RIPOR3: variants seen among roughly 807,000 people sequenced by gnomAD.
RIPOR3 encodes the protein family with sequence similarity 65 member C.
In RIPOR3, 95 loss-of-function variants were observed where a neutral mutation model predicts 114.3. The ratio of observed to expected loss-of-function variants is 0.83; its 90% confidence interval spans 0.70 to 0.99. The LOEUF is 0.99. Among genes scored for constraint, RIPOR3 ranks in the 50% least tolerant of loss-of-function variants. RIPOR3 has a pLI of 0.00. For synonymous variants in RIPOR3, 575 were observed against 543.8 expected, an observed-to-expected ratio of 1.06 and a Z score of -0.80; for missense variants, 1,252 against 1,266.9, an observed-to-expected ratio of 0.99 and a Z score of 0.18.
intron 1 of RIPOR3, 33 bp downstream of exon 1, chr20:50,691,093 G>A: frequency 7.8e-7 from 1 of 1,289,436 alleles, no homozygotes; most frequent in Non-Finnish European, 1.0e-6. Flanking sequence ...GCGGCGTCAC[G>A]GCACACATGG....
At chr20:50,610,645 C>T (rs1108893) in intron 6 of RIPOR3, among the ~76,000 whole-genome samples, 23 of 152,138 alleles carry the variant, frequency 1.5e-4, no homozygotes, top group Admixed American at 5.2e-4. Context: ...CAGGGCTGAG[C>T]CCCCTGACTC....
intron 1 of RIPOR3, among the ~76,000 whole-genome samples, chr20:50,661,030 G>C (rs1275749130): frequency 1.3e-5 from 2 of 151,994 alleles, no homozygotes; most frequent in African/African-American, 4.8e-5. Context: ...CTGAGGTCAG[G>C]AGTACAAGAC....
chr20:50,670,729 G>C (rs933942016), intron 1 of RIPOR3, among the ~76,000 whole-genome samples: 1 of 152,112 alleles, frequency 6.6e-6, no homozygotes. Context: ...CCAACCCTGC[G>C]TGGCAGCAGA....
rs148766922 is a variant in RIPOR3 at position 50,649,811 on chromosome 20, C to T, written c.4-18955G>A. On this transcript the variant is annotated intron_variant, in intron 1 of 21. Coordinates refer to ENST00000327979, the MANE Select transcript of RIPOR3 (RefSeq NM_001290268.2). ...CAGATACTTTGCCCCCTTCCAAGGA[C>T]GGTAATGAGGTTTGAGGCTTCCAAT... Among the ~76,000 whole-genome samples the T allele has an allele frequency of 2.7e-3, 408 of 152,272 alleles. 3 individuals carry two copies. Among genetic ancestry groups the T allele is most frequent in the African/African-American group, 9.0e-3 (374 of 41,544 alleles).
At chr20:50,587,709 G>T in intron 21 of RIPOR3, 93 bp downstream of exon 21, 1 of 1,269,448 alleles carries the variant, frequency 7.9e-7, no homozygotes, top group Non-Finnish European at 1.1e-6. Context: ...CCCCAGAGTT[G>T]TTCTGCCTGC....
intron 1 of RIPOR3, chr20:50,636,524 G>A (rs2084991666): frequency 2.0e-6 from 2 of 980,090 alleles, no homozygotes; most frequent in Admixed American, 6.2e-5. Context: ...ACAGTGCAGA[G>A]ACCCTGCTGG....
At chr20:50,663,617 A>C (rs2086081146) in intron 1 of RIPOR3, among the ~76,000 whole-genome samples, 1 of 152,200 alleles carries the variant, frequency 6.6e-6, no homozygotes, top group African/African-American at 2.4e-5. Context: ...AGAGGTCAGG[A>C]CAGCCTTTCG....
chr20:50,633,281 A>C (rs1385596294), intron 1 of RIPOR3, among the ~76,000 whole-genome samples: 1 of 151,854 alleles, frequency 6.6e-6, no homozygotes, highest in Non-Finnish European at 1.5e-5. Context: ...AAAAACAAAA[A>C]ACAAAAAATA....
In RIPOR3 at chr20:50,608,733, G is replaced by C; in HGVS notation, c.690C>G (p.Leu230=). The change falls in exon 10 of 22, where the codon CTC becomes CTG. Residue 230 remains leucine, a synonymous_variant. Coordinates refer to ENST00000327979, the MANE Select transcript of RIPOR3 (RefSeq NM_001290268.2). ...TCCAACGCTGGCGGCCCAGACGCAT[G>C]AGCACCTGTGAACCAGCCCGAGAGG... ...RLCPGDHYEV[L]MRLGRQRWKL... The C allele has an allele frequency of 6.2e-7, 1 of 1,613,996 alleles. No homozygotes were observed. The highest frequency in any genetic ancestry group is 8.5e-7 in the Non-Finnish European group (1 of 1,179,926).
chr20:50,665,855 AG>A (rs1188868761), intron 1 of RIPOR3, among the ~76,000 whole-genome samples: 1 of 152,100 alleles, frequency 6.6e-6, no homozygotes, highest in Non-Finnish European at 1.5e-5. Flanking sequence ...GCTCCAAGCT[AG>A]GTGAAGGAAA....
At chr20:50,688,183 C>T (rs1479741613) in intron 1 of RIPOR3, among the ~76,000 whole-genome samples, 2 of 152,116 alleles carry the variant, frequency 1.3e-5, no homozygotes, top group Non-Finnish European at 2.9e-5. Context: ...CAGTGTCTTG[C>T]TCTGTGGCCC....
Position 50,602,246 on chromosome 20 carries a change from C to T in RIPOR3, c.1485G>A (p.Ser495=), listed in dbSNP as rs776106672. 65 of 1,613,802 alleles carry T rather than the reference C, an allele frequency of 4.0e-5. No homozygotes were observed. The highest frequency in any genetic ancestry group is 4.7e-5 in the Non-Finnish European group (56 of 1,179,962). The change falls in exon 13 of 22, where the codon TCG becomes TCA. Residue 495 remains serine, a synonymous_variant. Transcript: ENST00000327979. This position sits in a 1 kb window ranked among gnomAD's most constrained non-coding sequence, Gnocchi z 4.3. ...QGSLFHSGTA[S]SSQNGHEEGA... The stretch of plus-strand genomic sequence containing the variant: ...CTTCCTCGTGGCCGTTCTGGCTACT[C>T]GAGGCTGTGCCGCTGTGGAACAGGG...
chr20:50,630,457 T>A (rs1351864092), intron 2 of RIPOR3, among the ~76,000 whole-genome samples: 1 of 152,154 alleles, frequency 6.6e-6, no homozygotes, highest in Non-Finnish European at 1.5e-5. Flanking sequence ...CCTGCTAAGC[T>A]CAGGCAGATC....
chr20:50,673,013 C>A (rs1384178206), intron 1 of RIPOR3, among the ~76,000 whole-genome samples: 1 of 152,188 alleles, frequency 6.6e-6, no homozygotes, highest in African/African-American at 2.4e-5. Flanking sequence ...GCAACCAACC[C>A]CAGCATTGAA....
chr20:50,666,337 G>A (rs1456299614), intron 1 of RIPOR3, among the ~76,000 whole-genome samples: 1 of 150,042 alleles, frequency 6.7e-6, no homozygotes, highest in Non-Finnish European at 1.5e-5. Flanking sequence ...CAATTCTCCT[G>A]CTTCAGCCTC....
At chr20:50,666,228 T>C (rs1032291284) in intron 1 of RIPOR3, among the ~76,000 whole-genome samples, 6 of 128,320 alleles carry the variant, frequency 4.7e-5, no homozygotes, top group South Asian at 2.5e-4. Context: ...TTTTCTTTTT[T>C]GAGACGGAGT....
At chr20:50,591,977 C>T (rs888180952) in intron 19 of RIPOR3, among the ~76,000 whole-genome samples, 6 of 152,060 alleles carry the variant, frequency 3.9e-5, no homozygotes, top group Admixed American at 2.6e-4. Flanking sequence ...CGCCTGTAAT[C>T]CCAGCTACTC....
chr20:50,637,306 T>TA (rs1274138143), intron 1 of RIPOR3, among the ~76,000 whole-genome samples: 1 of 152,036 alleles, frequency 6.6e-6, no homozygotes, highest in Non-Finnish European at 1.5e-5. Flanking sequence ...CCTCCAGCCT[T>TA]TGCCCTGGCT....
chr20:50,683,959 T>C (rs759234450), intron 1 of RIPOR3, among the ~76,000 whole-genome samples: 1 of 151,868 alleles, frequency 6.6e-6, no homozygotes, highest in African/African-American at 2.4e-5. Context: ...TGTGCACCTA[T>C]AATCCCAGCT....
Sources: gnomAD v4.1 joint callset for allele counts (sites outside exome capture counted in the v4.1 genomes callset) on GRCh38, gnomAD v4.1.1 for gene constraint, Gnocchi (gnomAD v3.1) non-coding constraint, MANE v1.5 for transcripts, NCBI Gene and HGNC (gene_info 2026-07-23, HGNC 2026-07-21) for gene names.